Variants in DPY19L2 observed in about 807,000 individuals in gnomAD.
DPY19L2 encodes the protein dpy-19 like 2.
In DPY19L2, 34 loss-of-function variants were observed where a neutral mutation model predicts 97.9. The ratio of observed to expected loss-of-function variants is 0.35; its 90% CI spans 0.26 to 0.46. The LOEUF is 0.46. Among genes scored for constraint, DPY19L2 ranks in the 20% least tolerant of loss-of-function variants. DPY19L2 has a pLI of 1.00. For missense variants in DPY19L2, 623 were observed against 911.4 expected (o/e 0.68, Z 4.07); for synonymous variants, 230 against 307.9 (o/e 0.75, Z 2.65).
intron 15 of DPY19L2, among the ~76,000 whole-genome samples, chr12:63,594,463 T>G (rs2971504): frequency 2.0e-3 from 137 of 70,112 alleles, no homozygotes; most frequent in Middle Eastern, 6.9e-3. Flanking sequence ...GAGAGAGAGA[T>G]AGTGTGTGTG....
At chr12:63,640,370 A>G (rs1216014443) in intron 6 of DPY19L2, among the ~76,000 whole-genome samples, 4 of 152,200 alleles carry the variant, frequency 2.6e-5, no homozygotes, top group Admixed American at 6.5e-5. Context: ...AAAAGATACG[A>G]GAGGATATTT....
intron 4 of DPY19L2, among the ~76,000 whole-genome samples, chr12:63,653,992 TA>T (rs1222351473): frequency 6.7e-6 from 1 of 149,656 alleles, no homozygotes; most frequent in Non-Finnish European, 1.5e-5. Context: ...TAAGAAAAAC[TA>T]AAAAAAAATA....
intron 16 of DPY19L2, among the ~76,000 whole-genome samples, chr12:63,593,174 AC>A (rs1351366919): frequency 6.6e-6 from 1 of 152,114 alleles, no homozygotes; most frequent in Non-Finnish European, 1.5e-5. Context: ...AAATAGGAAC[AC>A]TTTTACACTG....
intron 19 of DPY19L2, among the ~76,000 whole-genome samples, chr12:63,579,797 C>A (rs1456037461): frequency 1.3e-5 from 2 of 152,006 alleles, no homozygotes; most frequent in East Asian, 3.9e-4. Flanking sequence ...AGCTATAGAC[C>A]AAGTATCTTA....
intron 2 of DPY19L2, 78 bp from the exon 3 acceptor site, chr12:63,663,923 TA>T (rs140336786): frequency 0.092 from 84,934 of 923,306 alleles, 5,396 homozygotes; most frequent in East Asian, 0.28. Context: ...AAGAAAGCCA[TA>T]AAAAAGAAAA....
At chr12:63,610,149 AT>A (rs976946239) in intron 11 of DPY19L2, among the ~76,000 whole-genome samples, 13 of 152,068 alleles carry the variant, frequency 8.5e-5, no homozygotes, top group Admixed American at 3.9e-4. Context: ...GATATAAAAA[AT>A]ATACATGTAA....
chr12:63,600,488 G>A, intron 12 of DPY19L2, 102 bp from the exon 13 acceptor site: 1 of 944,682 alleles, frequency 1.1e-6, no homozygotes, highest in Non-Finnish European at 1.6e-6. Flanking sequence ...AATTATGTGA[G>A]GTATAAATGG....
rs1888740694 is a variant in DPY19L2, at chr12:63,621,817, T to C, written c.954-480A>G. Among the ~76,000 whole-genome samples, 3 of 152,118 alleles carry C rather than the reference T, an allele frequency of 2.0e-5. No individual in the cohort carries two copies. In the South Asian group the frequency reaches 6.2e-4, roughly 32 times the overall value. ...GGAAAAATTTAAGGAGAAGGAATCT[T>C]AAAAAATTAAAAAATCATTCTAGAA... On this transcript the variant is annotated intron_variant, in intron 8 of 21. Transcript: ENST00000324472.
intron 19 of DPY19L2, among the ~76,000 whole-genome samples, chr12:63,579,681 T>C (rs1485434467): frequency 6.6e-6 from 1 of 152,092 alleles, no homozygotes; most frequent in East Asian, 1.9e-4. Context: ...AAGGGAGTGA[T>C]TACCTTGAGC....
intron 5 of DPY19L2, among the ~76,000 whole-genome samples, chr12:63,646,818 A>G (rs191239562): frequency 3.3e-5 from 5 of 152,294 alleles, no homozygotes; most frequent in Admixed American, 6.5e-5. Context: ...TAAAAAAGTA[A>G]TATTTCTAAA....
chr12:63,630,408 G>A (rs1201379223), intron 6 of DPY19L2, among the ~76,000 whole-genome samples: 1 of 151,976 alleles, frequency 6.6e-6, no homozygotes, highest in Non-Finnish European at 1.5e-5. Context: ...AAAGGCAGGG[G>A]TTGCAATCCT....
At chr12:63,627,068 T>C (rs1889682368) in intron 6 of DPY19L2, among the ~76,000 whole-genome samples, 1 of 151,980 alleles carries the variant, frequency 6.6e-6, no homozygotes. Flanking sequence ...TGAGCCACTG[T>C]GCCCAGCCAC....
chr12:63,655,472 T>C (rs991385438), intron 4 of DPY19L2, among the ~76,000 whole-genome samples: 1 of 152,098 alleles, frequency 6.6e-6, no homozygotes, highest in Non-Finnish European at 1.5e-5. Context: ...AGTAGGCACC[T>C]GGGATACAGC....
At chr12:63,629,410 A>G (rs1308647068) in intron 6 of DPY19L2, among the ~76,000 whole-genome samples, 1 of 152,178 alleles carries the variant, frequency 6.6e-6, no homozygotes, top group African/African-American at 2.4e-5. Context: ...CGAGAACTAC[A>G]TGACGAATGC....
Position 63,600,379 on chromosome 12 carries a change from T to G in DPY19L2, c.1286A>C (p.Gln429Pro), listed in dbSNP as rs752714987. 2.6e-5 allele frequency: 42 copies of G among 1,586,630 alleles called. No individual in the cohort carries two copies. Among genetic ancestry groups the G allele is most frequent in the Non-Finnish European group, 3.5e-5 (41 of 1,158,090 alleles). The part of the protein sequence containing the change: ...GVSKLNFWLI[Q>P]GSAWWCGTII... ...TGTTCCACACCACCAGGCACTACCTTGAATTAGCTAGAAAATAAAATAGAA... is the reference window on the plus strand; with the variant it reads ...TGTTCCACACCACCAGGCACTACCTGGAATTAGCTAGAAAATAAAATAGAA... The change falls in exon 13 of 22, where the codon CAA becomes CCA. Residue 429 changes from glutamine to proline, a missense_variant. Gln to Pro is a moderately conservative substitution (Grantham distance 76). This residue lies in a region of DPY19L2 where 294 missense variants were observed against 446.2 expected (regional missense o/e 0.66). Transcript: ENST00000324472.
At chr12:63,568,196 ACTATTCTC>A (rs1403665833) in intron 21 of DPY19L2, among the ~76,000 whole-genome samples, 4 of 151,984 alleles carry the variant, frequency 2.6e-5, no homozygotes, top group Non-Finnish European at 5.9e-5. Flanking sequence ...CTTTTGATTA[ACTATTCTC>A]TCTTGATCTA....
rs1230856692 is a variant in DPY19L2, at chr12:63,559,011, C to A, written c.*1501G>T. 1 of 152,030 alleles carries A rather than the reference C, an allele frequency of 6.6e-6. No homozygotes were observed. Among genetic ancestry groups the A allele is most frequent in the Non-Finnish European group, 1.5e-5 (1 of 68,008 alleles). The allele number at this position is 152,030 out of a possible 1,614,324, so 9.4% of individuals were successfully genotyped here. On this transcript the variant is annotated 3_prime_UTR_variant, in exon 22 of 22. Coordinates refer to ENST00000324472, the MANE Select transcript of DPY19L2 (RefSeq NM_173812.5). ...CTAATACAGTACCATTTTAAAAGTT[C>A]TACCAACTTATTTAAAATATTTCCT...
intron 6 of DPY19L2, among the ~76,000 whole-genome samples, chr12:63,635,635 C>T (rs1341030946): frequency 8.6e-5 from 13 of 152,004 alleles, no homozygotes; most frequent in African/African-American, 2.7e-4. Flanking sequence ...AACTATGTGA[C>T]GCATGCACAA....
chr12:63,559,508 G>A lies in DPY19L2; in HGVS notation c.*1004C>T, dbSNP rs1876100749. ...TACCACTTTTCAAAGCACTATTGTT[G>A]GGTAGGTTTTATTAGGGGAGAGGAC... On this transcript the variant is annotated 3_prime_UTR_variant, in exon 22 of 22. Coordinates refer to ENST00000324472, the MANE Select transcript of DPY19L2 (RefSeq NM_173812.5). 1 of 152,500 alleles carries A rather than the reference G, an allele frequency of 6.6e-6. No individual in the cohort carries two copies. Among genetic ancestry groups the A allele is most frequent in the Non-Finnish European group, 1.5e-5 (1 of 68,016 alleles). 9.4% of individuals were successfully genotyped at this position (152,500 alleles called of 1,614,324 possible).
Sources: gnomAD v4.1 joint callset for allele counts (sites outside exome capture counted in the v4.1 genomes callset) on GRCh38, gnomAD v4.1.1 for gene constraint, gnomAD v4.1.1 regional missense constraint, MANE v1.5 for transcripts, NCBI Gene and HGNC (gene_info 2026-07-23, HGNC 2026-07-21) for gene names.